The following UBE2D3 variants were observed in gnomAD, a reference collection of about 807,000 sequenced individuals.
The protein encoded by UBE2D3 is ubiquitin conjugating enzyme E2 D3, also known as ubiquitin-conjugating enzyme E2 D3.
UBE2D3 carries 2 observed loss-of-function variants against 22.8 expected under a neutral mutation model. The observed-to-expected ratio is 0.09, with a 90% CI of 0.04 to 0.28. The LOEUF is 0.28. Ranked by LOEUF, UBE2D3 falls within the 10% of genes least tolerant of loss-of-function variation. The pLI, the probability that UBE2D3 is intolerant of heterozygous loss-of-function variation, is 1.00. For missense variants in UBE2D3, 27 were observed against 182.5 expected, an observed-to-expected ratio of 0.15 and a Z score of 4.91; for synonymous variants, 56 against 60.4, an observed-to-expected ratio of 0.93 and a Z score of 0.34.
At chr4:102,819,225 G>A (rs111461923) in intron 2 of UBE2D3, among the ~76,000 whole-genome samples, 1,805 of 151,850 alleles carry the variant, frequency 0.012, 21 homozygotes, top group African/African-American at 0.036. Context: ...AGCTACTCGA[G>A]AGGCTGAGAC....
chr4:102,855,258 C>G (rs1732566933), intron 1 of UBE2D3, among the ~76,000 whole-genome samples: 1 of 152,116 alleles, frequency 6.6e-6, no homozygotes, highest in Admixed American at 6.5e-5. Flanking sequence ...ACCTTTCTAT[C>G]CATTATTAGA....
chr4:102,859,194 G>A (rs1257973054), intron 1 of UBE2D3, among the ~76,000 whole-genome samples: 1 of 151,782 alleles, frequency 6.6e-6, no homozygotes. Flanking sequence ...TTCTTAGTTG[G>A]GAGGCTTTTC....
At chr4:102,833,526 A>G (rs927574323) in intron 1 of UBE2D3, among the ~76,000 whole-genome samples, 6 of 152,234 alleles carry the variant, frequency 3.9e-5, no homozygotes, top group African/African-American at 1.4e-4. Context: ...CTAAAATCAC[A>G]AAATGGAAAA....
intron 2 of UBE2D3, among the ~76,000 whole-genome samples, chr4:102,824,257 C>A (rs1178626911): frequency 6.6e-6 from 1 of 152,148 alleles, no homozygotes; most frequent in Non-Finnish European, 1.5e-5. Context: ...ACCTGGTTAA[C>A]TAAGAGTACT....
intron 2 of UBE2D3, chr4:102,810,082 ATT>A (rs896019404): frequency 4.7e-5 from 22 of 468,018 alleles, no homozygotes; most frequent in Non-Finnish European, 7.7e-5. Flanking sequence ...TTGATACAAA[ATT>A]TTTTATTTAC....
At chr4:102,837,878 C>T (rs1731501415) in intron 1 of UBE2D3, among the ~76,000 whole-genome samples, 2 of 152,268 alleles carry the variant, frequency 1.3e-5, no homozygotes, top group Middle Eastern at 3.4e-3. Context: ...GGTGTGAACC[C>T]GGGAGGCGGA....
intron 7 of UBE2D3, among the ~76,000 whole-genome samples, chr4:102,798,640 G>C (rs1209744304): frequency 6.7e-6 from 1 of 150,162 alleles, no homozygotes; most frequent in African/African-American, 2.5e-5. Flanking sequence ...AAAGTCTCAA[G>C]CTAAAATTTA....
intron 1 of UBE2D3, 171 bp from the exon 2 acceptor site, chr4:102,826,807 G>T: frequency 8.1e-7 from 1 of 1,241,564 alleles, no homozygotes. Context: ...GTGACGGGAA[G>T]AGCGGAGGTG....
At chr4:102,823,799 T>C (rs1206315765) in intron 2 of UBE2D3, among the ~76,000 whole-genome samples, 1 of 152,226 alleles carries the variant, frequency 6.6e-6, no homozygotes, top group East Asian at 1.9e-4. Context: ...AAGCAAAGTA[T>C]AAATTCAAAA....
At chr4:102,853,572 A>C (rs2110370567) in intron 1 of UBE2D3, among the ~76,000 whole-genome samples, 1 of 152,304 alleles carries the variant, frequency 6.6e-6, no homozygotes, top group South Asian at 2.1e-4. Context: ...TATGTAGGAC[A>C]GTGTATATAT....
In UBE2D3 at chr4:102,795,818, C is replaced by T. The variant is rs1011221076; in HGVS notation, c.*1597G>A. On this transcript the variant is annotated 3_prime_UTR_variant, in exon 8 of 8. Transcript: ENST00000453744. ...TGGAAGTGGAGGAGTCACAGATGTG[C>T]TAGAACTTTAAGAAATAAAGCAGTG... is the stretch of plus-strand genomic sequence containing the variant. 2 of 152,064 alleles carry T rather than the reference C, an allele frequency of 1.3e-5. No individual in the cohort carries two copies. The highest frequency in any genetic ancestry group is 2.4e-5 in the African/African-American group (1 of 41,394). The allele number at this position is 152,064 out of a possible 1,614,324, so 9.4% of individuals were successfully genotyped here. A position where few individuals can be genotyped will look rare whatever the true frequency, so the allele number is the denominator to read the frequency against.
intron 4 of UBE2D3, among the ~76,000 whole-genome samples, chr4:102,804,721 T>A: frequency 6.6e-6 from 1 of 152,144 alleles, no homozygotes; most frequent in Admixed American, 6.6e-5. Flanking sequence ...TCGCCCAGAC[T>A]GGAGTGCAGT....
chr4:102,825,230 A>C, intron 2 of UBE2D3: 1 of 985,802 alleles, frequency 1.0e-6, no homozygotes, highest in African/African-American at 1.7e-5. Context: ...CAAAGTTTCT[A>C]ACACTCACCG....
Position 102,797,290 on chromosome 4 carries a change from C to T in UBE2D3, c.*125G>A. ...ATGTGAATGAATGGAGGGAGGTAAA[C>T]AAAAAATAAAATTAAAAAAGATGAG... On this transcript the variant is annotated 3_prime_UTR_variant, in exon 8 of 8. Transcript: ENST00000453744. 1 of 789,956 alleles carries T rather than the reference C, an allele frequency of 1.3e-6. No homozygotes were observed. Among genetic ancestry groups the T allele is most frequent in the Admixed American group, 2.6e-5 (1 of 37,920 alleles). The allele number at this position is 789,956 out of a possible 1,614,324, so 48.9% of individuals were successfully genotyped here.
In UBE2D3 at chr4:102,853,126, A is replaced by C. The variant is rs532339713; in HGVS notation, c.-129+15589T>G. Among the ~76,000 whole-genome samples, 3 of 138,768 alleles carry C rather than the reference A, an allele frequency of 2.2e-5. 1 individual carries two copies. The highest frequency in any genetic ancestry group is 4.7e-4 in the South Asian group (2 of 4,288). 91.0% of individuals were successfully genotyped at this position (138,768 alleles called of 152,430 possible). ...GCAATATCTGTCAAAATTACACACA[A>C]ACACACACATTTTTTTTTTTTTTTT... On this transcript the variant is annotated intron_variant, in intron 1 of 7. Transcript: ENST00000338145.
At chr4:102,842,507 G>C (rs1050574505) in intron 1 of UBE2D3, among the ~76,000 whole-genome samples, 11 of 151,646 alleles carry the variant, frequency 7.3e-5, no homozygotes, top group South Asian at 4.2e-4. Context: ...AGTGAGCTAT[G>C]ATGAGGCCAG....
chr4:102,824,052 T>C (rs1217148948), intron 2 of UBE2D3, among the ~76,000 whole-genome samples: 2 of 152,204 alleles, frequency 1.3e-5, no homozygotes, highest in East Asian at 1.9e-4. Flanking sequence ...ACTAAAATTG[T>C]TGGATGTGGA....
At chr4:102,833,022 G>A (rs1279665114) in intron 1 of UBE2D3, among the ~76,000 whole-genome samples, 3 of 146,232 alleles carry the variant, frequency 2.1e-5, no homozygotes, top group East Asian at 2.0e-4. Context: ...AATGTTTATA[G>A]AAAAACAAAA....
chr4:102,827,615 C>T, upstream of UBE2D3: 1 of 986,928 alleles, frequency 1.0e-6, no homozygotes, highest in Non-Finnish European at 1.2e-6. Context: ...CGGATCAGTC[C>T]GCCAACGCCG....
Sources: allele counts gnomAD v4.1 joint callset (sites outside exome capture counted in the v4.1 genomes callset), GRCh38; gene constraint gnomAD v4.1.1; transcripts MANE v1.5; gene names NCBI Gene and HGNC (gene_info 2026-07-23, HGNC 2026-07-21).